Variants in DOP1A observed in about 807,000 individuals in gnomAD.
DOP1A encodes DOP1 leucine zipper like protein A, also known as protein DOP1A.
A neutral mutation model predicts 267.6 loss-of-function variants in DOP1A; 90 were observed. The observed-to-expected ratio is 0.34, with a 90% CI of 0.28 to 0.40. DOP1A has a LOEUF of 0.40. Ranked by LOEUF, DOP1A falls within the 10% of genes least tolerant of loss-of-function variation. The probability of loss-of-function intolerance (pLI) is 1.00; values close to 1 mark genes in which losing one functional copy is unlikely to be tolerated. For synonymous variants in DOP1A, 932 were observed against 999.1 expected (o/e 0.93, Z 1.27); for missense variants, 2,437 against 2,900.4 (o/e 0.84, Z 3.67).
intron 1 of DOP1A, among the ~76,000 whole-genome samples, chr6:83,090,509 C>T (rs1365459147): frequency 3.9e-5 from 6 of 152,096 alleles, no homozygotes; most frequent in Non-Finnish European, 8.8e-5. Flanking sequence ...TATGGGGATA[C>T]GTTATATTTG....
At chr6:83,165,656 A>T (rs1439298718) in intron 38 of DOP1A, 2 of 200,648 alleles carry the variant, frequency 1.0e-5, no homozygotes, top group African/African-American at 4.7e-5. Context: ...TTCCCTGCAA[A>T]ACGTTGCTGA....
At chr6:83,102,643 A>G (rs938869614) in intron 4 of DOP1A, among the ~76,000 whole-genome samples, 1 of 152,184 alleles carries the variant, frequency 6.6e-6, no homozygotes, top group African/African-American at 2.4e-5. Flanking sequence ...TTGATCCACC[A>G]TCTGTTCTTA....
chr6:83,124,102 A>G (rs1349797937), intron 12 of DOP1A, among the ~76,000 whole-genome samples: 1 of 151,940 alleles, frequency 6.6e-6, no homozygotes, highest in Admixed American at 6.6e-5. Context: ...ATTTGTCTAC[A>G]TGCTTATATT....
intron 19 of DOP1A, among the ~76,000 whole-genome samples, chr6:83,135,019 A>G (rs894293113): frequency 2.0e-5 from 3 of 152,168 alleles, no homozygotes. Flanking sequence ...TGTACTGAAT[A>G]TATTGAACCT....
intron 7 of DOP1A, among the ~76,000 whole-genome samples, chr6:83,117,446 G>C (rs565802401): frequency 6.6e-6 from 1 of 152,182 alleles, no homozygotes; most frequent in South Asian, 2.1e-4. Context: ...CACGGTGCCC[G>C]GCCACATCAG....
At chr6:83,147,614 C>G (rs540486290) in intron 26 of DOP1A, among the ~76,000 whole-genome samples, 1 of 152,272 alleles carries the variant, frequency 6.6e-6, no homozygotes, top group African/African-American at 2.4e-5. Context: ...TATCTTCTTA[C>G]TATCATATTC....
At chr6:83,136,353 A>G (rs756051515) in intron 20 of DOP1A, among the ~76,000 whole-genome samples, 2 of 152,104 alleles carry the variant, frequency 1.3e-5, no homozygotes, top group Admixed American at 6.6e-5. Flanking sequence ...AATATTCACT[A>G]TTACTATATT....
In DOP1A at chr6:83,148,763, C is replaced by A. The variant is rs1250864360; in HGVS notation, c.5737C>A (p.Pro1913Thr). 1 of 1,546,318 alleles carries A rather than the reference C, an allele frequency of 6.5e-7. No individual in the cohort carries two copies. Among genetic ancestry groups the A allele is most frequent in the Non-Finnish European group, 8.7e-7 (1 of 1,155,624 alleles). The change falls in exon 27 of 39, where the codon CCA (proline) becomes ACA (threonine). Residue 1913 changes from proline (P) to threonine (T), a missense_variant. Around this residue, in one of 9 missense-constraint regions of DOP1A, gnomAD observed 216 missense variants for 283.3 expected, o/e 0.76. Transcript: ENST00000349129. ...QFFYAYIQRI[P>T]VPNLVDSWAS... ...ATAAACTATATTATCTTGCAGAATTCCAGTGCCCAATTTAGTGGATAGCTG... is the reference window on the plus strand; with the variant it reads ...ATAAACTATATTATCTTGCAGAATTACAGTGCCCAATTTAGTGGATAGCTG...
At chr6:83,150,376 C>G (rs1781413770) in intron 27 of DOP1A, among the ~76,000 whole-genome samples, 1 of 119,588 alleles carries the variant, frequency 8.4e-6, no homozygotes, top group East Asian at 2.4e-4. Flanking sequence ...TTGTTGTGAT[C>G]TGTAGCTGTT....
At chr6:83,118,849 G>A (rs778228661) in intron 7 of DOP1A, 39 bp from the exon 8 acceptor site, 3 of 1,560,232 alleles carry the variant, frequency 1.9e-6, no homozygotes, top group Admixed American at 3.4e-5. Context: ...AATATATATT[G>A]TATATTGCTA....
At chr6:83,167,063 T>C in intron 38 of DOP1A, 1 of 985,196 alleles carries the variant, frequency 1.0e-6, no homozygotes, top group Non-Finnish European at 1.2e-6. Context: ...CTTCTCAAAC[T>C]AGCCTCTTAA....
In DOP1A at chr6:83,148,189, G is replaced by A. The variant is rs577409524; in HGVS notation, c.5733-570G>A. Among the ~76,000 whole-genome samples the A allele has an allele frequency of 2.6e-5, 4 of 152,168 alleles. No individual in the cohort carries two copies. In the East Asian group the frequency reaches 5.8e-4, roughly 22 times the overall value. ...AGCACTTTGGGAGGCCGAGGCGGGCGGATCACGAACTCAGGAGATCAAGAC... is the reference window on the plus strand; with the variant it reads ...AGCACTTTGGGAGGCCGAGGCGGGCAGATCACGAACTCAGGAGATCAAGAC... On this transcript the variant is annotated intron_variant, in intron 26 of 38. Coordinates refer to ENST00000349129, the MANE Select transcript of DOP1A (RefSeq NM_015018.4).
intron 5 of DOP1A, among the ~76,000 whole-genome samples, chr6:83,109,740 T>C (rs1409937336): frequency 6.6e-6 from 1 of 152,192 alleles, no homozygotes; most frequent in East Asian, 1.9e-4. Flanking sequence ...ATCTCTAATA[T>C]CTCATTACTA....
In DOP1A at chr6:83,148,805, C is replaced by T; in HGVS notation, c.5779C>T (p.Leu1927Phe). 1.3e-6 allele frequency: 2 copies of T among 1,563,504 alleles called. No individual in the cohort carries two copies. ...LVDSWASLLILLKDSIQLSLP... is the reference protein window; with the variant it reads ...LVDSWASLLIFLKDSIQLSLP... ...GGATAGCTGGGCGTCACTGTTGATA[C>T]TTCTGAAAGACTCTATACAACTGAG... Residue 1927 changes from leucine (L) to phenylalanine (F), a missense_variant, in exon 27 of 39, where the codon CTT becomes TTT. Leu to Phe is a conservative substitution (Grantham distance 22, BLOSUM62 0). Transcript: ENST00000349129.
intron 37 of DOP1A, among the ~76,000 whole-genome samples, chr6:83,160,870 T>G (rs1001770711): frequency 6.6e-6 from 1 of 152,076 alleles, no homozygotes; most frequent in Admixed American, 6.6e-5. Context: ...TGCTCCAAAA[T>G]TTGCTATTTT....
At chr6:83,124,657 TCACATCACTTGACA>T (rs776750918) in intron 12 of DOP1A, 34 bp from the exon 13 acceptor site, 14 of 1,339,632 alleles carry the variant, frequency 1.0e-5, no homozygotes, top group Non-Finnish European at 1.4e-5. Flanking sequence ...TCACAGGTAT[TCACATCACTTGACA>T]GTATACTTAA....
chr6:83,123,107 A>C (rs1411925948), intron 12 of DOP1A, 125 bp downstream of exon 12: 2 of 1,064,756 alleles, frequency 1.9e-6, no homozygotes, highest in Non-Finnish European at 2.6e-6. Context: ...ACTGTTACTT[A>C]CTATCCATAA....
In DOP1A at chr6:83,152,364, T is replaced by C; in HGVS notation, c.6126T>C (p.Ser2042=). Residue 2042 remains serine, a synonymous_variant, in exon 30 of 39, where the codon TCT becomes TCC. Coordinates refer to ENST00000349129, the MANE Select transcript of DOP1A (RefSeq NM_015018.4). The part of the protein sequence containing the change: ...VYSVHALTLL[S]EVLAHLLDMV... ...GTGTCCATGCATTGACATTACTCTC[T>C]GAGGTAAATATTAAGCTTTTTCACA... The C allele has an allele frequency of 6.7e-7, 1 of 1,481,542 alleles. No homozygotes were observed. The highest frequency in any genetic ancestry group is 9.0e-7 in the Non-Finnish European group (1 of 1,108,200). 91.8% of individuals were successfully genotyped at this position (1,481,542 alleles called of 1,614,324 possible). A position where few individuals can be genotyped will look rare whatever the true frequency, so the allele number is the denominator to read the frequency against.
rs781740683 is a variant in DOP1A, at chr6:83,120,771, T to C, written c.1079T>C (p.Leu360Ser). 1.3e-6 allele frequency: 2 copies of C among 1,574,754 alleles called. No homozygotes were observed. The highest frequency in any genetic ancestry group is 1.7e-6 in the Non-Finnish European group (2 of 1,152,666). Residue 360 changes from leucine (L) to serine (S), a missense_variant, in exon 10 of 39, where the codon TTA (leucine) becomes TCA (serine). By Grantham distance (145) the Leu-to-Ser change is moderately radical (BLOSUM62 -2). Coordinates refer to ENST00000349129, the MANE Select transcript of DOP1A (RefSeq NM_015018.4). ...AAGCCTTTTCGCATTTTAATCAGTTTACTGGACAAACCTGAGCTAGGTAAT... is the reference window on the plus strand; with the variant it reads ...AAGCCTTTTCGCATTTTAATCAGTTCACTGGACAAACCTGAGCTAGGTAAT... ...DLKPFRILIS[L>S]LDKPELGPVI...
Sources: allele counts gnomAD v4.1 joint callset (sites outside exome capture counted in the v4.1 genomes callset), GRCh38; gene constraint gnomAD v4.1.1; regional missense constraint gnomAD v4.1.1; transcripts MANE v1.5; gene names NCBI Gene and HGNC (gene_info 2026-07-23, HGNC 2026-07-21).